Variants in SIK3 observed in about 807,000 individuals in gnomAD.
SIK3 encodes the protein serine/threonine-protein kinase SIK3.
A neutral mutation model predicts 144.2 loss-of-function variants in SIK3; 28 were observed. That is an observed-to-expected ratio of 0.19 (90% CI 0.14 to 0.27). The LOEUF (loss-of-function observed/expected upper bound fraction) is 0.27. Ranked by LOEUF, SIK3 falls within the 10% of genes least tolerant of loss-of-function variation. SIK3 has a pLI of 1.00. For missense variants in SIK3, 1,319 were observed against 1,776.0 expected, an observed-to-expected ratio of 0.74 and a Z score of 4.62; for synonymous variants, 686 against 676.3, an observed-to-expected ratio of 1.01 and a Z score of -0.22.
intron 1 of SIK3, among the ~76,000 whole-genome samples, chr11:117,026,685 T>C (rs781293189): frequency 5.9e-5 from 9 of 152,200 alleles, no homozygotes; most frequent in Non-Finnish European, 1.2e-4. Context: ...AAATTACATA[T>C]TAATAAATGA....
chr11:117,094,874 T>C (rs771008782), intron 1 of SIK3, among the ~76,000 whole-genome samples: 3 of 152,032 alleles, frequency 2.0e-5, no homozygotes, highest in Non-Finnish European at 2.9e-5. Context: ...GGTGAGCTAC[T>C]AACCAAAGTA....
intron 1 of SIK3, among the ~76,000 whole-genome samples, chr11:117,059,089 A>C (rs543994447): frequency 6.6e-6 from 1 of 152,240 alleles, no homozygotes; most frequent in African/African-American, 2.4e-5. Context: ...GAAGAACTGA[A>C]AAGACAGGAA....
At chr11:117,023,519 T>A (rs1449086838) in intron 1 of SIK3, among the ~76,000 whole-genome samples, 8 of 147,928 alleles carry the variant, frequency 5.4e-5, no homozygotes, top group Non-Finnish European at 1.0e-4. Flanking sequence ...GATCCTCTAG[T>A]CTCAACCTCC....
At chr11:116,987,321 T>TTA (rs759660063) in intron 1 of SIK3, among the ~76,000 whole-genome samples, 2 of 137,272 alleles carry the variant, frequency 1.5e-5, no homozygotes, top group Non-Finnish European at 3.1e-5. Flanking sequence ...CATAAAAGAT[T>TTA]AAAAAAAAAA....
At chr11:117,050,363 A>G (rs1953182563) in intron 1 of SIK3, among the ~76,000 whole-genome samples, 1 of 152,114 alleles carries the variant, frequency 6.6e-6, no homozygotes, top group South Asian at 2.1e-4. Context: ...TCGATGTACT[A>G]ATTTTGTAAT....
chr11:116,976,277 G>A (rs1949943632), intron 1 of SIK3, among the ~76,000 whole-genome samples: 1 of 152,072 alleles, frequency 6.6e-6, no homozygotes, highest in Admixed American at 6.5e-5. Context: ...AGAAACCACT[G>A]CCTAACTCCA....
chr11:117,022,616 A>G (rs1412817561), intron 1 of SIK3, among the ~76,000 whole-genome samples: 1 of 152,216 alleles, frequency 6.6e-6, no homozygotes, highest in African/African-American at 2.4e-5. Flanking sequence ...TTCATCAACT[A>G]GAGCTGCCCC....
rs144026079 is a variant in SIK3 at position 117,009,061 on chromosome 11, C to T, written c.274-51997G>A. ...ACCAGCCTGACCAACATGGCGAAAC[C>T]CCATCTCTACTAAAAGTACAAAAAT... On this transcript the variant is annotated intron_variant, in intron 1 of 24. Transcript: ENST00000445177. 1.2e-3 allele frequency among the ~76,000 whole-genome samples: 183 copies of T among 151,734 alleles called. 9 individuals carry two copies. In the East Asian group the frequency reaches 0.033, roughly 27 times the overall value.
intron 1 of SIK3, among the ~76,000 whole-genome samples, chr11:117,007,378 A>AAAAC (rs1009831538): frequency 9.8e-5 from 15 of 152,354 alleles, no homozygotes; most frequent in East Asian, 3.9e-4. Context: ...ACTCTGTCTC[A>AAAAC]AAACAAACAA....
chr11:116,935,158 G>T (rs144015791), intron 3 of SIK3, among the ~76,000 whole-genome samples: 13,379 of 152,086 alleles, frequency 0.088, 768 homozygotes, highest in South Asian at 0.16. Context: ...TGAGGCAGGA[G>T]GATCACTTGA....
intron 7 of SIK3, 25 bp from the exon 8 acceptor site, chr11:116,876,388 G>C: frequency 6.4e-7 from 1 of 1,561,928 alleles, no homozygotes; most frequent in Non-Finnish European, 8.8e-7. Flanking sequence ...GGAGGAAGCT[G>C]TCAACCCCCC....
At chr11:117,053,937 A>C (rs1235224580) in intron 1 of SIK3, among the ~76,000 whole-genome samples, 1 of 151,998 alleles carries the variant, frequency 6.6e-6, no homozygotes, top group Admixed American at 6.6e-5. Context: ...GTGAGCCACC[A>C]CACCCAGCAT....
intron 1 of SIK3, among the ~76,000 whole-genome samples, chr11:116,966,845 C>CA (rs910851848): frequency 5.3e-4 from 77 of 146,148 alleles, no homozygotes; most frequent in South Asian, 1.9e-3. Context: ...ACTAAAAATA[C>CA]AAAAAAAAAA....
chr11:116,889,792 G>C (rs1945010030), intron 6 of SIK3, among the ~76,000 whole-genome samples: 1 of 152,178 alleles, frequency 6.6e-6, no homozygotes, highest in African/African-American at 2.4e-5. Flanking sequence ...AGCTACTCAG[G>C]AGGCTGAGGT....
chr11:116,992,317 C>A (rs1283298201), intron 1 of SIK3, among the ~76,000 whole-genome samples: 3 of 78,136 alleles, frequency 3.8e-5, no homozygotes, highest in Non-Finnish European at 2.5e-5. Flanking sequence ...AGAGCAAGAC[C>A]CCCCCCCCCA....
chr11:116,954,557 T>C (rs993054930), intron 2 of SIK3, among the ~76,000 whole-genome samples: 1 of 151,928 alleles, frequency 6.6e-6, no homozygotes, highest in Non-Finnish European at 1.5e-5. Context: ...AAATCACATA[T>C]GTCTTTCTTT....
chr11:117,055,885 G>A (rs1481750243), intron 1 of SIK3, among the ~76,000 whole-genome samples: 1 of 152,186 alleles, frequency 6.6e-6, no homozygotes, highest in East Asian at 1.9e-4. Context: ...AGCATTCAAG[G>A]CATCGTCTAA....
At chr11:117,019,543 C>T (rs7113829) in intron 1 of SIK3, among the ~76,000 whole-genome samples, 10,381 of 151,830 alleles carry the variant, frequency 0.068, 595 homozygotes, top group African/African-American at 0.15. Context: ...TAAACAGTCA[C>T]GGCTCATTAA....
chr11:116,984,991 T>G (rs2135531683), intron 1 of SIK3, among the ~76,000 whole-genome samples: 1 of 152,332 alleles, frequency 6.6e-6, no homozygotes, highest in Admixed American at 6.5e-5. Context: ...TTCAAAAATG[T>G]CTTTTGGAAA....
Sources: allele counts gnomAD v4.1 joint callset (sites outside exome capture counted in the v4.1 genomes callset), GRCh38; gene constraint gnomAD v4.1.1; transcripts MANE v1.5; gene names NCBI Gene and HGNC (gene_info 2026-07-23, HGNC 2026-07-21).